The following PTPRG variants were observed in gnomAD, a reference collection of about 807,000 sequenced individuals.
PTPRG encodes the protein receptor-type tyrosine-protein phosphatase gamma.
A neutral mutation model predicts 165.3 loss-of-function variants in PTPRG; 102 were observed. The observed-to-expected ratio is 0.62, with a 90% CI of 0.53 to 0.73. The LOEUF (loss-of-function observed/expected upper bound fraction) is 0.73. Ranked by LOEUF, PTPRG falls within the 30% of genes least tolerant of loss-of-function variation. The probability of loss-of-function intolerance (pLI) is 0.00; values close to 1 mark genes in which losing one functional copy is unlikely to be tolerated. For missense variants in PTPRG, 1,866 were observed against 1,861.4 expected (o/e 1.00, Z -0.05); for synonymous variants, 675 against 669.5 (o/e 1.01, Z -0.13).
chr3:61,610,260 C>T (rs934004112), intron 1 of PTPRG, among the ~76,000 whole-genome samples: 7 of 151,970 alleles, frequency 4.6e-5, no homozygotes, highest in Non-Finnish European at 1.0e-4. Context: ...CTGGCGCAGT[C>T]TAAGTGCTGT....
At chr3:61,617,091 G>C (rs1368516227) in intron 1 of PTPRG, among the ~76,000 whole-genome samples, 1 of 152,174 alleles carries the variant, frequency 6.6e-6, no homozygotes, top group East Asian at 1.9e-4. Context: ...GAGGGACAAT[G>C]TTATAAAAGA....
intron 6 of PTPRG, among the ~76,000 whole-genome samples, chr3:62,145,996 T>C (rs1704106121): frequency 6.6e-6 from 1 of 152,208 alleles, no homozygotes; most frequent in African/African-American, 2.4e-5. Context: ...AATTAGGTCA[T>C]TGACTGAGCA....
intron 2 of PTPRG, among the ~76,000 whole-genome samples, chr3:61,979,259 A>G (rs2040582660): frequency 6.6e-6 from 1 of 152,206 alleles, no homozygotes; most frequent in Admixed American, 6.5e-5. Context: ...GTTACTGATA[A>G]TATCTTTCTT....
intron 2 of PTPRG, among the ~76,000 whole-genome samples, chr3:61,781,950 T>G (rs1456004915): frequency 6.6e-6 from 1 of 151,240 alleles, no homozygotes; most frequent in East Asian, 1.9e-4. Context: ...AGGGTGGTCT[T>G]GAACTCCTGG....
chr3:61,730,058 A>C (rs2032429685), intron 1 of PTPRG, among the ~76,000 whole-genome samples: 1 of 152,182 alleles, frequency 6.6e-6, no homozygotes, highest in Admixed American at 6.5e-5. Flanking sequence ...ATATGTTTAG[A>C]TGGGTCTTCC....
At chr3:61,710,808 C>T (rs540097968) in intron 1 of PTPRG, among the ~76,000 whole-genome samples, 1 of 152,148 alleles carries the variant, frequency 6.6e-6, no homozygotes, top group East Asian at 1.9e-4. Context: ...TTCTGGGATA[C>T]ATGTGCAGAA....
At chr3:62,185,808 C>T (rs1352107772) in intron 8 of PTPRG, among the ~76,000 whole-genome samples, 1 of 152,222 alleles carries the variant, frequency 6.6e-6, no homozygotes, top group Non-Finnish European at 1.5e-5. Context: ...ACAGTGTTCC[C>T]TCGTAATCCT....
intron 15 of PTPRG, among the ~76,000 whole-genome samples, chr3:62,244,843 T>C (rs1005180903): frequency 1.2e-4 from 19 of 152,230 alleles, no homozygotes; most frequent in African/African-American, 4.3e-4. Context: ...AGTACTTACA[T>C]GAATGAACGT....
intron 2 of PTPRG, among the ~76,000 whole-genome samples, chr3:61,806,436 G>C (rs938367440): frequency 6.6e-6 from 1 of 152,168 alleles, no homozygotes; most frequent in African/African-American, 2.4e-5. Context: ...CCTTATCCAG[G>C]TTCTGAATAC....
intron 6 of PTPRG, among the ~76,000 whole-genome samples, chr3:62,148,711 G>C (rs1340588765): frequency 6.6e-6 from 1 of 152,156 alleles, no homozygotes; most frequent in Non-Finnish European, 1.5e-5. Flanking sequence ...GCAGTGAGCT[G>C]AGGTCACGCC....
intron 2 of PTPRG, among the ~76,000 whole-genome samples, chr3:61,886,698 A>G (rs2038047430): frequency 1.3e-5 from 2 of 152,094 alleles, no homozygotes; most frequent in African/African-American, 2.4e-5. Context: ...CCTCCTAGCT[A>G]CCCATGGCCC....
chr3:62,172,385 A>C (rs951930235), intron 8 of PTPRG, among the ~76,000 whole-genome samples: 1 of 152,138 alleles, frequency 6.6e-6, no homozygotes, highest in Admixed American at 6.5e-5. Context: ...GAGGGTTTCA[A>C]TTTCTCCATA....
chr3:62,018,764 C>T (rs908956409), intron 4 of PTPRG, among the ~76,000 whole-genome samples: 10 of 152,194 alleles, frequency 6.6e-5, no homozygotes, highest in African/African-American at 2.4e-4. Flanking sequence ...GGCAGGTCTA[C>T]ATGAGCCACA....
At chr3:61,902,164 G>A (rs1037463258) in intron 2 of PTPRG, among the ~76,000 whole-genome samples, 3 of 152,190 alleles carry the variant, frequency 2.0e-5, no homozygotes, top group Non-Finnish European at 4.4e-5. Context: ...CTGCTCTGGG[G>A]ACCTGGAGAG....
chr3:61,945,419 C>T (rs531811432), intron 2 of PTPRG, among the ~76,000 whole-genome samples: 1 of 151,622 alleles, frequency 6.6e-6, no homozygotes, highest in African/African-American at 2.4e-5. Context: ...ATTAGGTGGG[C>T]GTGATGGTAG....
At chr3:61,612,207 A>C (rs1701190431) in intron 1 of PTPRG, among the ~76,000 whole-genome samples, 1 of 152,154 alleles carries the variant, frequency 6.6e-6, no homozygotes, top group Non-Finnish European at 1.5e-5. Flanking sequence ...CCTAATCCCA[A>C]AGTGCTGGGA....
rs148776744 is a variant in PTPRG, at chr3:61,821,922, C to T, written c.190+72940C>T. ...AGAATATTATGTAATGTGCACTGGG[C>T]AGGCTCTGCCAAGTGCGTGCAGAAG... is the stretch of plus-strand genomic sequence containing the variant. On this transcript the variant is annotated intron_variant, in intron 2 of 29. Transcript: ENST00000474889. Among the ~76,000 whole-genome samples the T allele has an allele frequency of 4.6e-3, 701 of 152,324 alleles. 7 individuals carry two copies. The highest frequency in any genetic ancestry group is 7.8e-3 in the Non-Finnish European group (530 of 68,024).
chr3:61,672,800 G>A (rs551024789), intron 1 of PTPRG, among the ~76,000 whole-genome samples: 7 of 140,214 alleles, frequency 5.0e-5, no homozygotes, highest in East Asian at 2.0e-4. Context: ...AGGGAGAGAG[G>A]GGGAGAGAGA....
chr3:61,837,246 C>T (rs946520685), intron 2 of PTPRG, among the ~76,000 whole-genome samples: 1 of 152,124 alleles, frequency 6.6e-6, no homozygotes, highest in African/African-American at 2.4e-5. Flanking sequence ...CAGTGTTTTG[C>T]CATGTTGGCC....
Sources: allele counts gnomAD v4.1 joint callset (sites outside exome capture counted in the v4.1 genomes callset), GRCh38; gene constraint gnomAD v4.1.1; transcripts MANE v1.5; gene names NCBI Gene and HGNC (gene_info 2026-07-23, HGNC 2026-07-21).